Variants in TFCP2L1 observed in about 807,000 individuals in gnomAD.
TFCP2L1 encodes the protein transcription factor CP2 like 1.
TFCP2L1 carries 12 observed loss-of-function variants against 72.2 expected under a neutral mutation model. The ratio of observed to expected loss-of-function variants is 0.17; its 90% confidence interval spans 0.11 to 0.27. TFCP2L1 has a LOEUF of 0.27. Ranked by LOEUF, TFCP2L1 falls within the 10% of genes least tolerant of loss-of-function variation. The pLI, the probability that TFCP2L1 is intolerant of heterozygous loss-of-function variation, is 1.00. For synonymous variants in TFCP2L1, 260 were observed against 251.0 expected, an observed-to-expected ratio of 1.04 and a Z score of -0.34; for missense variants, 488 against 624.6, an observed-to-expected ratio of 0.78 and a Z score of 2.33.
At chr2:121,225,772 G>A (rs7340353) in intron 13 of TFCP2L1, among the ~76,000 whole-genome samples, 159 bp from the exon 14 acceptor site, 3,252 of 150,684 alleles carry the variant, frequency 0.022, 96 homozygotes, top group African/African-American at 0.073. Flanking sequence ...CCACTGCCAC[G>A]GTGCCCACAC....
intron 7 of TFCP2L1, chr2:121,240,757 C>T: frequency 7.1e-6 from 7 of 984,658 alleles, no homozygotes; most frequent in Non-Finnish European, 8.4e-6. Context: ...CAGGCATGAA[C>T]CAGGTACGGG....
intron 11 of TFCP2L1, 48 bp downstream of exon 11, chr2:121,235,173 C>CACGT: frequency 6.2e-7 from 1 of 1,604,666 alleles, no homozygotes; most frequent in Non-Finnish European, 8.5e-7. Context: ...CACCACATGC[C>CACGT]ACGGGACATG....
intron 2 of TFCP2L1, among the ~76,000 whole-genome samples, chr2:121,261,854 A>G (rs1336765943): frequency 6.6e-6 from 1 of 152,196 alleles, no homozygotes; most frequent in African/African-American, 2.4e-5. Context: ...TACCCTAACT[A>G]AATCAGCAAG....
Position 121,216,813 on chromosome 2 carries a change from C to T in TFCP2L1, c.*7528G>A, listed in dbSNP as rs1469960813. ...CCACCCCGACAGATACTCCCACCAC[C>T]TTTAGAAAAGAGTCACCCAATCTGG... On this transcript the variant is annotated 3_prime_UTR_variant, in exon 15 of 15. Coordinates refer to ENST00000263707, the MANE Select transcript of TFCP2L1 (RefSeq NM_014553.3). 6.6e-6 allele frequency: 1 copy of T among 152,296 alleles called. No homozygotes were observed. The highest frequency in any genetic ancestry group is 2.4e-5 in the African/African-American group (1 of 41,458). The allele number at this position is 152,296 out of a possible 1,614,324, so 9.4% of individuals were successfully genotyped here.
intron 2 of TFCP2L1, among the ~76,000 whole-genome samples, chr2:121,262,310 C>T (rs1463410356): frequency 6.6e-6 from 1 of 152,048 alleles, no homozygotes; most frequent in East Asian, 1.9e-4. Context: ...ACTAAAAATA[C>T]TAAAATTAGC....
intron 13 of TFCP2L1, among the ~76,000 whole-genome samples, chr2:121,228,797 G>A (rs1223740707): frequency 3.7e-4 from 33 of 89,510 alleles, no homozygotes; most frequent in South Asian, 1.1e-3. Flanking sequence ...AAAAAAAAAA[G>A]CTCGCTTAGA....
At chr2:121,251,515 TAAA>T in intron 2 of TFCP2L1, among the ~76,000 whole-genome samples, 1 of 152,212 alleles carries the variant, frequency 6.6e-6, no homozygotes. Context: ...ATCATTGGAT[TAAA>T]AAGTCAATTT....
intron 14 of TFCP2L1, among the ~76,000 whole-genome samples, chr2:121,224,982 CAAAA>C (rs34800606): frequency 1.8e-5 from 2 of 110,860 alleles, no homozygotes. Flanking sequence ...AAGACTCCAT[CAAAA>C]AAAAAAAAAA....
At chr2:121,261,075 T>C (rs1686822815) in intron 2 of TFCP2L1, among the ~76,000 whole-genome samples, 1 of 152,184 alleles carries the variant, frequency 6.6e-6, no homozygotes, top group Non-Finnish European at 1.5e-5. Flanking sequence ...CTCTTGCACA[T>C]GTGCAATACT....
intron 2 of TFCP2L1, among the ~76,000 whole-genome samples, chr2:121,254,796 C>A (rs1686683272): frequency 1.3e-5 from 2 of 150,650 alleles, no homozygotes; most frequent in South Asian, 4.2e-4. Context: ...GAGCGAGACT[C>A]CGTTTCAAAA....
intron 2 of TFCP2L1, among the ~76,000 whole-genome samples, chr2:121,260,352 A>G (rs533215661): frequency 6.6e-6 from 1 of 152,294 alleles, no homozygotes; most frequent in African/African-American, 2.4e-5. Flanking sequence ...ATCTCTCAGC[A>G]TTTCACTCTC....
chr2:121,235,410 T>A, intron 10 of TFCP2L1, 99 bp from the exon 11 acceptor site: 4 of 997,304 alleles, frequency 4.0e-6, no homozygotes, highest in Non-Finnish European at 4.6e-6. Flanking sequence ...GGGTGGGGGG[T>A]GGGGAAGAGC....
rs1025120887 is a variant in TFCP2L1, at chr2:121,223,427, A to T, written c.*914T>A. The T allele has an allele frequency of 6.6e-6, 1 of 152,234 alleles. No individual in the cohort carries two copies. The highest frequency in any genetic ancestry group is 1.5e-5 in the Non-Finnish European group (1 of 68,048). 9.4% of individuals were successfully genotyped at this position (152,234 alleles called of 1,614,324 possible). ...CCTGTGGCAAGTTTAGCAGCGGTTC[A>T]ACAAGGTCTTCTCTAACTTTCTATA... On this transcript the variant is annotated 3_prime_UTR_variant, in exon 15 of 15. Transcript: ENST00000263707.
chr2:121,243,545 C>G (rs1686420830), intron 6 of TFCP2L1, among the ~76,000 whole-genome samples: 1 of 152,152 alleles, frequency 6.6e-6, no homozygotes, highest in Non-Finnish European at 1.5e-5. Context: ...AAATACTTCA[C>G]AGTATTTACA....
At chr2:121,242,923 G>A (rs1008682875) in intron 6 of TFCP2L1, among the ~76,000 whole-genome samples, 2 of 152,232 alleles carry the variant, frequency 1.3e-5, no homozygotes, top group Non-Finnish European at 2.9e-5. Context: ...GTCTGCAGGG[G>A]AACGTCTCCA....
intron 2 of TFCP2L1, among the ~76,000 whole-genome samples, chr2:121,278,871 G>C (rs1277348425): frequency 2.6e-5 from 4 of 151,564 alleles, no homozygotes; most frequent in African/African-American, 9.7e-5. Context: ...GGGTGTGGTA[G>C]CACACGCCTG....
intron 5 of TFCP2L1, 35 bp downstream of exon 5, chr2:121,248,129 G>C (rs1686526934): frequency 6.3e-7 from 1 of 1,595,536 alleles, no homozygotes; most frequent in East Asian, 2.2e-5. Flanking sequence ...CAAAGACTAG[G>C]TCTTCCCCTG....
intron 4 of TFCP2L1, among the ~76,000 whole-genome samples, chr2:121,248,558 T>C (rs552382274): frequency 9.8e-5 from 15 of 152,302 alleles, no homozygotes; most frequent in Admixed American, 3.3e-4. Context: ...ACACATCGTA[T>C]TGTCATTCTA....
At chr2:121,247,540 A>G (rs2104701760) in intron 5 of TFCP2L1, among the ~76,000 whole-genome samples, 1 of 151,206 alleles carries the variant, frequency 6.6e-6, no homozygotes, top group South Asian at 2.1e-4. Flanking sequence ...TATTAAGAGT[A>G]TTGTAATTGT....
Sources: gnomAD v4.1 joint callset for allele counts (sites outside exome capture counted in the v4.1 genomes callset) on GRCh38, gnomAD v4.1.1 for gene constraint, MANE v1.5 for transcripts, NCBI Gene and HGNC (gene_info 2026-07-23, HGNC 2026-07-21) for gene names.